Variants in XPOT observed in about 807,000 individuals in gnomAD.
XPOT encodes the protein exportin-T.
XPOT carries 34 observed loss-of-function variants against 128.2 expected under a neutral mutation model. The ratio of observed to expected loss-of-function variants is 0.27; its 90% CI spans 0.20 to 0.35. The LOEUF is 0.35. XPOT is among the 10% of genes least tolerant of loss of function. The probability of loss-of-function intolerance (pLI) is 1.00; values close to 1 mark genes in which losing one functional copy is unlikely to be tolerated. For synonymous variants in XPOT, 348 were observed against 394.3 expected (o/e 0.88, Z 1.39); for missense variants, 838 against 1,125.3 (o/e 0.74, Z 3.65).
At chr12:64,443,966 T>C (rs548759408) in intron 23 of XPOT, among the ~76,000 whole-genome samples, 3 of 152,338 alleles carry the variant, frequency 2.0e-5, no homozygotes, top group Admixed American at 1.3e-4. Flanking sequence ...ATTACTATTC[T>C]TGTGATCTTA....
chr12:64,445,153 G>C (rs765961517), intron 24 of XPOT, 22 bp downstream of exon 24: 1 of 1,568,150 alleles, frequency 6.4e-7, no homozygotes, highest in South Asian at 1.1e-5. Context: ...TGAAGCTCAC[G>C]TATCTTCATA....
intron 2 of XPOT, 77 bp downstream of exon 2, chr12:64,410,172 TG>T: frequency 2.9e-6 from 4 of 1,392,068 alleles, no homozygotes; most frequent in Non-Finnish European, 4.0e-6. Context: ...AAAATGCACC[TG>T]GCAAAAGTTT....
At chr12:64,447,957 C>G (rs898762065) in intron 24 of XPOT, 148 bp from the exon 25 acceptor site, 9 of 695,110 alleles carry the variant, frequency 1.3e-5, no homozygotes, top group Non-Finnish European at 2.2e-5. Context: ...AAGTTCTTAG[C>G]TTGGATTACA....
rs1435734004 is a variant in XPOT at position 64,448,253 on chromosome 12, G to A, written c.*122G>A. The A allele has an allele frequency of 1.2e-5, 12 of 1,014,030 alleles. No individual in the cohort carries two copies. Among genetic ancestry groups the A allele is most frequent in the Non-Finnish European group, 1.8e-5 (12 of 656,550 alleles). 62.8% of individuals were successfully genotyped at this position (1,014,030 alleles called of 1,614,324 possible). A position where few individuals can be genotyped will look rare whatever the true frequency, so the allele number is the denominator to read the frequency against. ...TTGTTTTGAGCTTATTGCAGTATAT[G>A]TTTTGGGATTTTTCTGTAAAATGGG... On this transcript the variant is annotated 3_prime_UTR_variant, in exon 25 of 25. Transcript: ENST00000332707.
At chr12:64,446,369 G>GA (rs1162185009) in intron 24 of XPOT, among the ~76,000 whole-genome samples, 1 of 152,032 alleles carries the variant, frequency 6.6e-6, no homozygotes, top group Non-Finnish European at 1.5e-5. Flanking sequence ...ATTCTAGTTG[G>GA]AAAAAATGAA....
chr12:64,413,435 T>TAAATAACA (rs1348468686), intron 2 of XPOT, among the ~76,000 whole-genome samples: 1 of 152,216 alleles, frequency 6.6e-6, no homozygotes, highest in Non-Finnish European at 1.5e-5. Context: ...GGACTCATTA[T>TAAATAACA]AAATAACAAA....
Position 64,449,778 on chromosome 12 carries a change from G to A in XPOT, c.*1647G>A, listed in dbSNP as rs1207287032. ...TGAAAGCTGAGTGTTTCTTTGATAG[G>A]TTCCCCTGTACTATAGGAGTGATAA... is the stretch of plus-strand genomic sequence containing the variant. On this transcript the variant is annotated 3_prime_UTR_variant, in exon 25 of 25. Coordinates refer to ENST00000332707, the MANE Select transcript of XPOT (RefSeq NM_007235.6). The A allele has an allele frequency of 1.3e-5, 2 of 152,154 alleles. No individual in the cohort carries two copies. Among genetic ancestry groups the A allele is most frequent in the African/African-American group, 4.8e-5 (2 of 41,412 alleles). 9.4% of individuals were successfully genotyped at this position (152,154 alleles called of 1,614,324 possible).
chr12:64,447,244 A>G (rs2040373544), intron 24 of XPOT, among the ~76,000 whole-genome samples: 1 of 152,156 alleles, frequency 6.6e-6, no homozygotes. Context: ...GTGGGGACAC[A>G]GGGTCAAACC....
In XPOT at chr12:64,450,059, CTTA is replaced by C. The variant is rs1163088995; in HGVS notation, c.*1932_*1934del. ...ATTCAATGAGTTAAACTTGAAAAGA[CTTA>C]TTACAGTAGCTGGCACATAAAGACT... On this transcript the variant is annotated 3_prime_UTR_variant, in exon 25 of 25. Coordinates refer to ENST00000332707, the MANE Select transcript of XPOT (RefSeq NM_007235.6). The C allele has an allele frequency of 1.3e-5, 2 of 152,086 alleles. No individual in the cohort carries two copies. The highest frequency in any genetic ancestry group is 1.5e-5 in the Non-Finnish European group (1 of 68,024). The allele number at this position is 152,086 out of a possible 1,614,324, so 9.4% of individuals were successfully genotyped here. A position where few individuals can be genotyped will look rare whatever the true frequency, so the allele number is the denominator to read the frequency against.
At position 64,450,617 on chromosome 12, in the gene XPOT, T is replaced by G. The variant is rs935634677; in HGVS notation, c.*2486T>G. The G allele has an allele frequency of 6.6e-5, 10 of 152,216 alleles. No individual in the cohort carries two copies. Among genetic ancestry groups the G allele is most frequent in the Admixed American group, 5.2e-4 (8 of 15,276 alleles). 9.4% of individuals were successfully genotyped at this position (152,216 alleles called of 1,614,324 possible). On this transcript the variant is annotated 3_prime_UTR_variant, in exon 25 of 25. Coordinates refer to ENST00000332707, the MANE Select transcript of XPOT (RefSeq NM_007235.6). ...TATATAATCATGCATAACTTCTATC[T>G]TCATTCTCTGAAGTTGCCTAGAGCA...
chr12:64,427,456 A>C (rs1420980176), intron 15 of XPOT, among the ~76,000 whole-genome samples: 4 of 151,852 alleles, frequency 2.6e-5, no homozygotes, highest in Non-Finnish European at 5.9e-5. Flanking sequence ...CCTGCTCATC[A>C]GCCAAGTACT....
intron 17 of XPOT, among the ~76,000 whole-genome samples, chr12:64,431,127 A>G (rs146315821): frequency 6.6e-6 from 1 of 152,192 alleles, no homozygotes; most frequent in African/African-American, 2.4e-5. Flanking sequence ...TATTTTTAGT[A>G]AAGACCGGTT....
intron 19 of XPOT, among the ~76,000 whole-genome samples, chr12:64,433,914 AT>A (rs2040260220): frequency 6.6e-6 from 1 of 152,238 alleles, no homozygotes; most frequent in Admixed American, 6.5e-5. Context: ...ATTTTGAAAT[AT>A]AAAATAAATG....
intron 21 of XPOT, 35 bp from the exon 22 acceptor site, chr12:64,435,592 G>T: frequency 6.4e-7 from 1 of 1,567,294 alleles, no homozygotes; most frequent in Non-Finnish European, 8.7e-7. Flanking sequence ...AACAAGAATT[G>T]AATATATAGA....
intron 22 of XPOT, among the ~76,000 whole-genome samples, chr12:64,438,052 T>TCTC (rs1320598321): frequency 6.6e-6 from 1 of 151,944 alleles, no homozygotes; most frequent in Admixed American, 6.6e-5. Context: ...GAGAAGACAG[T>TCTC]CTCAAGAGAG....
At position 64,430,231 on chromosome 12, in the gene XPOT, T is replaced by C. The variant is rs146858474; in HGVS notation, c.1920T>C (p.Asp640=). Residue 640 remains aspartate, a synonymous_variant, in exon 17 of 25, where the codon GAT becomes GAC. Coordinates refer to ENST00000332707, the MANE Select transcript of XPOT (RefSeq NM_007235.6). ...ILLEKLMLAQ[D]EERQASLADC... is the part of the protein sequence containing the mutation. ...TAGAAAAGTTGATGCTGGCACAAGATGAAGAAAGGCAAGCCTCTCTAGCAG... is the reference window on the plus strand; with the variant it reads ...TAGAAAAGTTGATGCTGGCACAAGACGAAGAAAGGCAAGCCTCTCTAGCAG... 1,824 of 1,612,294 alleles carry C rather than the reference T, an allele frequency of 1.1e-3. 18 individuals carry two copies. The African/African-American group carries it at 0.022, about 19-fold the overall frequency.
Position 64,421,481 on chromosome 12 carries a change from TG to T in XPOT, c.1080+11del. On this transcript the variant is annotated intron_variant, in intron 9 of 24. Coordinates refer to ENST00000332707, the MANE Select transcript of XPOT (RefSeq NM_007235.6). ...TCATATTTTGAAACAGGTAAGTTTTTGTTTTATTCTTTTTGCTCAATACATA... is the reference window on the plus strand; with the variant it reads ...TCATATTTTGAAACAGGTAAGTTTTTTTTTATTCTTTTTGCTCAATACATA... 1.3e-6 allele frequency: 2 copies of T among 1,586,142 alleles called. No homozygotes were observed. Among genetic ancestry groups the T allele is most frequent in the Non-Finnish European group, 1.7e-6 (2 of 1,155,154 alleles).
intron 16 of XPOT, among the ~76,000 whole-genome samples, chr12:64,429,754 A>G: frequency 6.6e-6 from 1 of 152,142 alleles, no homozygotes; most frequent in East Asian, 1.9e-4. Flanking sequence ...CCTCATAACA[A>G]TCTTATATAA....
At position 64,425,156 on chromosome 12, in the gene XPOT, A is replaced by G. The variant is rs1434877975; in HGVS notation, c.1426A>G (p.Ser476Gly). ...CTTCTCAGGTGATGTTTCAAAAGCT[A>G]GTGCTTTGCAGGATATGATGCGAAC... ...AHFSGDVSKA[S>G]ALQDMMRTLV... The change falls in exon 13 of 25, where the codon AGT becomes GGT. Residue 476 changes from serine (S) to glycine (G), a missense_variant. Transcript: ENST00000332707. The G allele has an allele frequency of 1.2e-6, 2 of 1,614,124 alleles. No individual in the cohort carries two copies. Among genetic ancestry groups the G allele is most frequent in the South Asian group, 1.1e-5 (1 of 91,082 alleles).
Sources: allele counts gnomAD v4.1 joint callset (sites outside exome capture counted in the v4.1 genomes callset), GRCh38; gene constraint gnomAD v4.1.1; transcripts MANE v1.5; gene names NCBI Gene and HGNC (gene_info 2026-07-23, HGNC 2026-07-21).